MOB3B: variants seen among roughly 807,000 people sequenced by gnomAD.
MOB3B encodes MOB kinase activator 3B.
Under a neutral mutation model 18.7 loss-of-function variants are expected in MOB3B, and 7 were observed. The ratio of observed to expected loss-of-function variants is 0.37; its 90% CI spans 0.21 to 0.70. The LOEUF (loss-of-function observed/expected upper bound fraction) is 0.70, where lower values mean the gene tolerates loss of function less well. Ranked by LOEUF, MOB3B falls within the 30% of genes least tolerant of loss-of-function variation. MOB3B has a pLI of 0.52. For synonymous variants in MOB3B, 111 were observed against 99.9 expected, an observed-to-expected ratio of 1.11 and a Z score of -0.66; for missense variants, 253 against 281.3, an observed-to-expected ratio of 0.90 and a Z score of 0.72.
At chr9:27,443,865 C>T (rs1587218453) in intron 2 of MOB3B, among the ~76,000 whole-genome samples, 3 of 152,136 alleles carry the variant, frequency 2.0e-5, no homozygotes. Context: ...CATGACTGGC[C>T]TTCTCCTTGG....
At chr9:27,342,091 T>C (rs1820950412) in intron 3 of MOB3B, among the ~76,000 whole-genome samples, 1 of 152,242 alleles carries the variant, frequency 6.6e-6, no homozygotes, top group Non-Finnish European at 1.5e-5. Context: ...TGAATGCCTG[T>C]GGCTGCTTCT....
In MOB3B at chr9:27,356,798, C is replaced by T. The variant is rs1170752317; in HGVS notation, c.621+2236G>A. 2.0e-5 allele frequency among the ~76,000 whole-genome samples: 3 copies of T among 150,898 alleles called. No individual in the cohort carries two copies. The East Asian group carries it at 5.8e-4, about 29-fold the overall frequency. ...ATTTACGTGGCCCTTGTCCATCTTT[C>T]CTCTCTGTCCTTGACATTTTCTGAA... is the stretch of plus-strand genomic sequence containing the variant. On this transcript the variant is annotated intron_variant, in intron 3 of 3. Transcript: ENST00000262244.
intron 3 of MOB3B, among the ~76,000 whole-genome samples, chr9:27,336,065 T>C (rs1028497809): frequency 6.6e-6 from 1 of 152,158 alleles, no homozygotes; most frequent in Non-Finnish European, 1.5e-5. Context: ...ATACCTACGA[T>C]GGGGAAGGCA....
chr9:27,416,750 G>T (rs1275847636), intron 2 of MOB3B, among the ~76,000 whole-genome samples: 2 of 151,624 alleles, frequency 1.3e-5, no homozygotes, highest in Non-Finnish European at 2.9e-5. Flanking sequence ...TGCCCAGGCT[G>T]GTCTTAAACG....
chr9:27,454,989 A>T, intron 2 of MOB3B, 144 bp downstream of exon 2: 3 of 825,934 alleles, frequency 3.6e-6, no homozygotes, highest in East Asian at 2.5e-5. Context: ...CATTTCAATG[A>T]GGCTCTTATA....
intron 2 of MOB3B, among the ~76,000 whole-genome samples, chr9:27,447,960 C>T (rs951083410): frequency 4.3e-4 from 65 of 152,062 alleles, no homozygotes; most frequent in African/African-American, 1.5e-3. Flanking sequence ...GAGTTCCTAC[C>T]AGTAAGGGCC....
intron 1 of MOB3B, among the ~76,000 whole-genome samples, chr9:27,509,640 C>T (rs1587267909): frequency 6.6e-6 from 1 of 151,940 alleles, no homozygotes; most frequent in East Asian, 1.9e-4. Flanking sequence ...TGGTCTCGAA[C>T]TCCTGACCTC....
intron 2 of MOB3B, among the ~76,000 whole-genome samples, chr9:27,411,218 C>T (rs1014677353): frequency 2.0e-5 from 3 of 152,158 alleles, no homozygotes; most frequent in South Asian, 2.1e-4. Flanking sequence ...AAAGGCACAT[C>T]GTTTTCTCAG....
intron 1 of MOB3B, among the ~76,000 whole-genome samples, chr9:27,491,361 G>A (rs1477128996): frequency 6.6e-6 from 1 of 152,054 alleles, no homozygotes; most frequent in African/African-American, 2.4e-5. Flanking sequence ...ATGATGGGAG[G>A]CTTTGAAGTT....
At chr9:27,492,790 T>C (rs975379296) in intron 1 of MOB3B, among the ~76,000 whole-genome samples, 2 of 152,140 alleles carry the variant, frequency 1.3e-5, no homozygotes, top group Non-Finnish European at 1.5e-5. Context: ...ATGTCTCCAA[T>C]GTTTGGGAGT....
chr9:27,336,639 C>T (rs1490908577), intron 3 of MOB3B, among the ~76,000 whole-genome samples: 4 of 152,056 alleles, frequency 2.6e-5, no homozygotes, highest in Non-Finnish European at 5.9e-5. Flanking sequence ...TCTCTCAGGG[C>T]CACATCTGAC....
chr9:27,446,641 C>G (rs776915092), intron 2 of MOB3B, among the ~76,000 whole-genome samples: 1 of 152,170 alleles, frequency 6.6e-6, no homozygotes, highest in Non-Finnish European at 1.5e-5. Flanking sequence ...TTGTATCACA[C>G]TGAGGCTGTG....
At chr9:27,449,323 T>C (rs545480986) in intron 2 of MOB3B, among the ~76,000 whole-genome samples, 97 of 152,342 alleles carry the variant, frequency 6.4e-4, no homozygotes, top group African/African-American at 2.2e-3. Flanking sequence ...AGAGTTTTGG[T>C]TGGCAGTTAA....
chr9:27,447,215 G>A (rs369188058), intron 2 of MOB3B, among the ~76,000 whole-genome samples: 2 of 152,108 alleles, frequency 1.3e-5, no homozygotes, highest in Non-Finnish European at 2.9e-5. Flanking sequence ...GGCAAGGCAG[G>A]GCACTGGTGG....
intron 1 of MOB3B, among the ~76,000 whole-genome samples, chr9:27,457,098 T>C (rs191134552): frequency 2.6e-5 from 4 of 152,356 alleles, no homozygotes; most frequent in East Asian, 3.9e-4. Context: ...TGCTGTTAGA[T>C]TGAAATCCAG....
chr9:27,408,840 A>T (rs1158343863), intron 2 of MOB3B, among the ~76,000 whole-genome samples: 1 of 152,172 alleles, frequency 6.6e-6, no homozygotes, highest in Non-Finnish European at 1.5e-5. Context: ...CTGGCTTAGC[A>T]TGAAAGCTGC....
At chr9:27,487,570 T>C (rs913842135) in intron 1 of MOB3B, among the ~76,000 whole-genome samples, 2 of 152,012 alleles carry the variant, frequency 1.3e-5, no homozygotes, top group Admixed American at 6.6e-5. Flanking sequence ...GACATAATGC[T>C]CATGCTGCCT....
At chr9:27,491,703 C>G (rs1819822668) in intron 1 of MOB3B, among the ~76,000 whole-genome samples, 1 of 152,114 alleles carries the variant, frequency 6.6e-6, no homozygotes, top group Non-Finnish European at 1.5e-5. Context: ...GAAACCCCAT[C>G]TCTACTAAAA....
At chr9:27,398,447 A>G (rs1008355927) in intron 2 of MOB3B, among the ~76,000 whole-genome samples, 1 of 152,164 alleles carries the variant, frequency 6.6e-6, no homozygotes, top group African/African-American at 2.4e-5. Context: ...CCTACCTGTA[A>G]GGTTGTTACT....
Sources: gnomAD v4.1 joint callset for allele counts (sites outside exome capture counted in the v4.1 genomes callset) on GRCh38, gnomAD v4.1.1 for gene constraint, MANE v1.5 for transcripts, NCBI Gene and HGNC (gene_info 2026-07-23, HGNC 2026-07-21) for gene names.